ADAMTS20: variants seen among roughly 807,000 people sequenced by gnomAD.
ADAMTS20 encodes the protein A disintegrin and metalloproteinase with thrombospondin motifs 20.
Under a neutral mutation model 260.1 loss-of-function variants are expected in ADAMTS20, and 225 were observed. The ratio of observed to expected loss-of-function variants is 0.87; its 90% CI spans 0.78 to 0.97. The LOEUF (loss-of-function observed/expected upper bound fraction) is 0.97, where lower values mean the gene tolerates loss of function less well. ADAMTS20 is among the 50% of genes least tolerant of loss of function. The probability of loss-of-function intolerance (pLI) is 0.00; values close to 1 mark genes in which losing one functional copy is unlikely to be tolerated. For synonymous variants in ADAMTS20, 802 were observed against 769.5 expected (o/e 1.04, Z -0.70); for missense variants, 2,400 against 2,337.7 (o/e 1.03, Z -0.55).
chr12:43,500,288 CA>C (rs1942739613), intron 4 of ADAMTS20, among the ~76,000 whole-genome samples: 1 of 152,204 alleles, frequency 6.6e-6, no homozygotes, highest in Admixed American at 6.5e-5. Context: ...CTCGGCCTCT[CA>C]AAGTGGTGCG....
At chr12:43,527,852 A>G (rs540344729) in intron 3 of ADAMTS20, among the ~76,000 whole-genome samples, 2 of 152,262 alleles carry the variant, frequency 1.3e-5, no homozygotes, top group Admixed American at 1.3e-4. Context: ...ATCAGGCAAG[A>G]GAAAGAAATA....
intron 28 of ADAMTS20, chr12:43,423,799 T>C: frequency 8.5e-6 from 6 of 703,396 alleles, no homozygotes; most frequent in Middle Eastern, 2.3e-4. Flanking sequence ...GCCTAGGATA[T>C]AGTAGATGGT....
intron 7 of ADAMTS20, among the ~76,000 whole-genome samples, chr12:43,477,072 A>G (rs997147980): frequency 2.6e-5 from 4 of 151,118 alleles, no homozygotes; most frequent in Admixed American, 6.6e-5. Context: ...AAAAAAAACA[A>G]TTACCTTAAC....
In ADAMTS20 at chr12:43,430,447, AC is replaced by A; in HGVS notation, c.3285del (p.Tyr1096IlefsTer12). 6.2e-7 allele frequency: 1 copy of A among 1,612,812 alleles called. No individual in the cohort carries two copies. The highest frequency in any genetic ancestry group is 8.5e-7 in the Non-Finnish European group (1 of 1,179,246). ...ACACATTTAACATCTCGCATCTGAT[AC>A]CCATGTCCACATGTGGTTGTGCACT... ...WGPCTTTCGH[G>X]YQMRDVKCVN... On this transcript the variant is annotated frameshift_variant, in exon 23 of 39. Transcript: ENST00000389420. LOFTEE classifies it high-confidence loss of function.
At chr12:43,454,739 T>C (rs986998023) in intron 11 of ADAMTS20, among the ~76,000 whole-genome samples, 1 of 152,220 alleles carries the variant, frequency 6.6e-6, no homozygotes, top group Non-Finnish European at 1.5e-5. Flanking sequence ...AATCAAAGTA[T>C]GACCATGCAC....
At chr12:43,509,371 G>A (rs1942891286) in intron 3 of ADAMTS20, among the ~76,000 whole-genome samples, 1 of 151,942 alleles carries the variant, frequency 6.6e-6, no homozygotes, top group South Asian at 2.1e-4. Flanking sequence ...TATCAATACA[G>A]ATCTCAGGGG....
intron 3 of ADAMTS20, among the ~76,000 whole-genome samples, chr12:43,524,825 T>G (rs912412226): frequency 6.6e-6 from 1 of 152,020 alleles, no homozygotes; most frequent in African/African-American, 2.4e-5. Flanking sequence ...CAAAAAATAA[T>G]TAAGAGAAAT....
At chr12:43,479,257 A>C (rs1276783962) in intron 7 of ADAMTS20, among the ~76,000 whole-genome samples, 1 of 152,236 alleles carries the variant, frequency 6.6e-6, no homozygotes, top group Admixed American at 6.5e-5. Flanking sequence ...TTGTAAAATT[A>C]TATGAAGAAA....
At chr12:43,389,221 G>A (rs989954063) in intron 29 of ADAMTS20, among the ~76,000 whole-genome samples, 1 of 152,196 alleles carries the variant, frequency 6.6e-6, no homozygotes, top group African/African-American at 2.4e-5. Flanking sequence ...ATATGAGTGA[G>A]ATTCAAGGTA....
At chr12:43,528,347 G>GAAAAAAA (rs1565583137) in intron 3 of ADAMTS20, among the ~76,000 whole-genome samples, 19 of 2,308 alleles carry the variant, frequency 8.2e-3, no homozygotes, top group African/African-American at 0.014. Context: ...GCAATCCTAA[G>GAAAAAAA]CAAAAAAAAA....
At chr12:43,545,425 T>A (rs955422629) in intron 2 of ADAMTS20, among the ~76,000 whole-genome samples, 4 of 152,210 alleles carry the variant, frequency 2.6e-5, no homozygotes, top group Non-Finnish European at 5.9e-5. Flanking sequence ...TCATATCCAT[T>A]TTTATTCATT....
At chr12:43,391,164 G>A (rs540741934) in intron 29 of ADAMTS20, among the ~76,000 whole-genome samples, 1 of 152,272 alleles carries the variant, frequency 6.6e-6, no homozygotes, top group South Asian at 2.1e-4. Context: ...TCGTCACATG[G>A]GTGAAGGAAC....
At chr12:43,504,119 C>A (rs900454526) in intron 3 of ADAMTS20, among the ~76,000 whole-genome samples, 5 of 152,070 alleles carry the variant, frequency 3.3e-5, no homozygotes, top group African/African-American at 1.2e-4. Context: ...GTTTTTAGTT[C>A]TTTGAGGAAT....
At chr12:43,465,590 G>C (rs1158314396) in intron 9 of ADAMTS20, among the ~76,000 whole-genome samples, 3 of 151,838 alleles carry the variant, frequency 2.0e-5, no homozygotes, top group African/African-American at 7.3e-5. Context: ...AATTTTACTG[G>C]CTAAAAGGAA....
At chr12:43,480,949 A>C (rs560363054) in intron 7 of ADAMTS20, among the ~76,000 whole-genome samples, 32 of 152,248 alleles carry the variant, frequency 2.1e-4, no homozygotes, top group African/African-American at 7.5e-4. Context: ...TAACTAAGAA[A>C]GTATGTTTCA....
intron 3 of ADAMTS20, among the ~76,000 whole-genome samples, chr12:43,506,232 GT>G (rs36055461): frequency 0.012 from 1,774 of 147,388 alleles, 24 homozygotes; most frequent in African/African-American, 0.035. Flanking sequence ...AAATAAGCCA[GT>G]TTTTTTTTTT....
intron 2 of ADAMTS20, among the ~76,000 whole-genome samples, chr12:43,547,908 A>T (rs1171860797): frequency 6.6e-6 from 1 of 152,176 alleles, no homozygotes; most frequent in Non-Finnish European, 1.5e-5. Context: ...AAGTACAATG[A>T]AACTATGGCA....
chr12:43,466,707 T>C lies in ADAMTS20; in HGVS notation c.1312A>G (p.Met438Val), dbSNP rs748586406. ...CAGTTTGACCAGCTCCAAGGACTCA[T>C]GTGAAAACTTAAAGCAGGGGCCATT... The part of the protein sequence containing the change: ...HVMAPALSFH[M>V]SPWSWSNCSR... Residue 438 changes from methionine to valine, a missense_variant, in exon 9 of 39, where the codon ATG (methionine) becomes GTG (valine). Transcript: ENST00000389420. The C allele has an allele frequency of 6.2e-7, 1 of 1,611,924 alleles. No homozygotes were observed.
intron 3 of ADAMTS20, among the ~76,000 whole-genome samples, chr12:43,504,207 A>G (rs2137451667): frequency 6.6e-6 from 1 of 151,884 alleles, no homozygotes; most frequent in East Asian, 1.9e-4. Context: ...TTTCTCCACA[A>G]CCTCATCAGC....
Sources: allele counts gnomAD v4.1 joint callset (sites outside exome capture counted in the v4.1 genomes callset), GRCh38; gene constraint gnomAD v4.1.1; transcripts MANE v1.5; gene names NCBI Gene and HGNC (gene_info 2026-07-23, HGNC 2026-07-21).